STXBP5L: variants seen among roughly 807,000 people sequenced by gnomAD.
STXBP5L encodes the protein syntaxin-binding protein 5-like.
STXBP5L carries 65 observed loss-of-function variants against 144.5 expected under a neutral mutation model. The ratio of observed to expected loss-of-function variants is 0.45; its 90% confidence interval spans 0.37 to 0.55. The LOEUF (loss-of-function observed/expected upper bound fraction) is 0.55, where lower values mean the gene tolerates loss of function less well. STXBP5L is among the 20% of genes least tolerant of loss of function. The pLI is 0.00. For missense variants in STXBP5L, 1,298 were observed against 1,405.5 expected, an observed-to-expected ratio of 0.92 and a Z score of 1.22; for synonymous variants, 505 against 469.6, an observed-to-expected ratio of 1.08 and a Z score of -0.97.
intron 5 of STXBP5L, among the ~76,000 whole-genome samples, chr3:121,048,211 G>T (rs572151268): frequency 6.6e-6 from 1 of 152,028 alleles, no homozygotes; most frequent in South Asian, 2.1e-4. Context: ...TCTATTGAAA[G>T]GTCCTCTGTT....
chr3:121,379,211 G>C (rs1331587018), intron 21 of STXBP5L, among the ~76,000 whole-genome samples: 2 of 152,024 alleles, frequency 1.3e-5, no homozygotes, highest in African/African-American at 4.8e-5. Context: ...AAGCTTTTTG[G>C]TGTCTCTATC....
chr3:121,391,913 C>G (rs931135870), intron 22 of STXBP5L, among the ~76,000 whole-genome samples: 13 of 152,328 alleles, frequency 8.5e-5, no homozygotes, highest in East Asian at 1.9e-4. Flanking sequence ...AAACACCATG[C>G]TGGGAGAACC....
At chr3:120,951,425 C>G (rs1711217069) in intron 2 of STXBP5L, among the ~76,000 whole-genome samples, 1 of 151,896 alleles carries the variant, frequency 6.6e-6, no homozygotes, top group Non-Finnish European at 1.5e-5. Flanking sequence ...GGCTAATATC[C>G]AGAATCTACA....
chr3:121,146,548 C>T (rs957863565), intron 7 of STXBP5L, among the ~76,000 whole-genome samples: 1 of 151,886 alleles, frequency 6.6e-6, no homozygotes, highest in African/African-American at 2.4e-5. Flanking sequence ...AGGCTAATTA[C>T]CAGACAATAA....
intron 6 of STXBP5L, among the ~76,000 whole-genome samples, chr3:121,115,803 G>T (rs780999503): frequency 1.3e-5 from 2 of 152,112 alleles, no homozygotes; most frequent in East Asian, 3.9e-4. Context: ...TTAGGAGCAG[G>T]CATGTCATAT....
At chr3:120,979,006 A>G (rs1941429675) in intron 3 of STXBP5L, among the ~76,000 whole-genome samples, 1 of 152,184 alleles carries the variant, frequency 6.6e-6, no homozygotes, top group South Asian at 2.1e-4. Flanking sequence ...TCAGGGACCC[A>G]CTTGAGGAGG....
chr3:121,152,569 T>C lies in STXBP5L; in HGVS notation c.753+9T>C. 2 of 1,578,654 alleles carry C rather than the reference T, an allele frequency of 1.3e-6. No individual in the cohort carries two copies. The highest frequency in any genetic ancestry group is 8.7e-7 in the Non-Finnish European group (1 of 1,154,942). On this transcript the variant is annotated intron_variant, in intron 8 of 26. Coordinates refer to ENST00000471454, the MANE Select transcript of STXBP5L (RefSeq NM_001308330.2). ...GAGTTTATTATGATGAGGTAAGTGA[T>C]TTCTACCGACATGTTTGAAAGAGTA... is the stretch of plus-strand genomic sequence containing the variant.
chr3:120,990,066 C>G (rs1942685079), intron 3 of STXBP5L, among the ~76,000 whole-genome samples: 1 of 152,156 alleles, frequency 6.6e-6, no homozygotes, highest in Non-Finnish European at 1.5e-5. Context: ...ACCCCATTGT[C>G]TCAGCCCAAA....
At chr3:121,010,486 C>T (rs2108127883) in intron 3 of STXBP5L, among the ~76,000 whole-genome samples, 1 of 151,376 alleles carries the variant, frequency 6.6e-6, no homozygotes, top group Non-Finnish European at 1.5e-5. Flanking sequence ...AGCATTATTC[C>T]CTACCATCAA....
At chr3:121,381,561 A>C (rs761462445) in intron 22 of STXBP5L, 29 bp downstream of exon 22, 1 of 1,575,340 alleles carries the variant, frequency 6.3e-7, no homozygotes, top group Non-Finnish European at 8.6e-7. Flanking sequence ...TCATTCCTTC[A>C]CTGTTACTTT....
At chr3:120,950,730 C>T (rs927670450) in intron 2 of STXBP5L, among the ~76,000 whole-genome samples, 2 of 152,066 alleles carry the variant, frequency 1.3e-5, no homozygotes, top group Non-Finnish European at 1.5e-5. Context: ...CCATACTGCC[C>T]AAAGTAATTT....
intron 9 of STXBP5L, among the ~76,000 whole-genome samples, chr3:121,186,083 A>G (rs961614782): frequency 1.3e-5 from 2 of 152,044 alleles, no homozygotes; most frequent in African/African-American, 4.8e-5. Flanking sequence ...TTCACTCATG[A>G]TTTGGCTCTC....
At chr3:120,965,376 G>T (rs1939437973) in intron 3 of STXBP5L, among the ~76,000 whole-genome samples, 1 of 152,098 alleles carries the variant, frequency 6.6e-6, no homozygotes, top group Admixed American at 6.5e-5. Flanking sequence ...TAGCATCGAT[G>T]GTCTTTATAA....
chr3:121,405,011 C>T (rs1193434085), intron 22 of STXBP5L, among the ~76,000 whole-genome samples: 1 of 152,126 alleles, frequency 6.6e-6, no homozygotes, highest in African/African-American at 2.4e-5. Flanking sequence ...TTGCTGTGTG[C>T]TCACATGGCC....
intron 9 of STXBP5L, among the ~76,000 whole-genome samples, chr3:121,169,638 A>G (rs949904704): frequency 6.6e-5 from 10 of 152,230 alleles, no homozygotes; most frequent in Admixed American, 3.9e-4. Flanking sequence ...ATGCAACAAG[A>G]AGAGCTAACA....
chr3:121,406,541 G>A (rs1025669374), intron 22 of STXBP5L, among the ~76,000 whole-genome samples: 3 of 151,988 alleles, frequency 2.0e-5, no homozygotes, highest in Non-Finnish European at 4.4e-5. Context: ...TCCAAGACTG[G>A]TGAAAATCAC....
intron 10 of STXBP5L, among the ~76,000 whole-genome samples, chr3:121,214,466 C>T (rs2048700061): frequency 6.6e-6 from 1 of 152,078 alleles, no homozygotes; most frequent in Admixed American, 6.6e-5. Context: ...TCATTATTTA[C>T]CCAGTTGTCA....
chr3:121,047,000 A>C (rs1358409122), intron 5 of STXBP5L, among the ~76,000 whole-genome samples: 2 of 151,914 alleles, frequency 1.3e-5, no homozygotes, highest in African/African-American at 4.8e-5. Flanking sequence ...AGCACTATAA[A>C]CTTTCCTCTT....
chr3:121,048,688 C>CTT lies in STXBP5L; in HGVS notation c.470+3167_470+3168dup, dbSNP rs11444329. On this transcript the variant is annotated intron_variant, in intron 5 of 26. Coordinates refer to ENST00000471454, the MANE Select transcript of STXBP5L (RefSeq NM_001308330.2). ...TCCACTCTATCAGATCAGTTAGAGT[C>CTT]TTTTTTTTTTTTTTTAAGACAGAGT... Among the ~76,000 whole-genome samples the CTT allele has an allele frequency of 2.4e-3, 332 of 141,066 alleles. 1 individual carries two copies. Among genetic ancestry groups the CTT allele is most frequent in the African/African-American group, 5.3e-3 (202 of 38,250 alleles). The allele number at this position is 141,066 out of a possible 152,430, so 92.5% of individuals were successfully genotyped here. A position where few individuals can be genotyped will look rare whatever the true frequency, so the allele number is the denominator to read the frequency against.
Sources: gnomAD v4.1 joint callset for allele counts (sites outside exome capture counted in the v4.1 genomes callset) on GRCh38, gnomAD v4.1.1 for gene constraint, MANE v1.5 for transcripts, NCBI Gene and HGNC (gene_info 2026-07-23, HGNC 2026-07-21) for gene names.